Variants in WDR11 observed in about 807,000 individuals in gnomAD.
WDR11 encodes WD repeat domain 11.
Under a neutral mutation model 151.2 loss-of-function variants are expected in WDR11, and 83 were observed. The ratio of observed to expected loss-of-function variants is 0.55; its 90% CI spans 0.46 to 0.66. The LOEUF (loss-of-function observed/expected upper bound fraction) is 0.66. WDR11 is among the 30% of genes least tolerant of loss of function. The pLI is 0.00. For synonymous variants in WDR11, 484 were observed against 533.1 expected (o/e 0.91, Z 1.27); for missense variants, 1,301 against 1,480.9 (o/e 0.88, Z 1.99).
chr10:120,862,827 C>T lies in WDR11; in HGVS notation c.619C>T (p.His207Tyr). The part of the protein sequence containing the change: ...PGKKVYISSP[H>Y]SSPAHNKLAT... ...GAAAAAAGTTTACATATCCAGCCCA[C>T]ACTCTAGCCCAGCTCATAACAAGCT... Residue 207 changes from histidine (H) to tyrosine (Y), a missense_variant, in exon 5 of 29, where the codon CAC becomes TAC. His to Tyr is a moderately conservative substitution (Grantham distance 83). Around this residue, in one of 3 missense-constraint regions of WDR11, gnomAD observed 692 missense variants for 762.5 expected, o/e 0.91. Transcript: ENST00000263461. The T allele has an allele frequency of 6.2e-7, 1 of 1,614,156 alleles. No individual in the cohort carries two copies. The highest frequency in any genetic ancestry group is 8.5e-7 in the Non-Finnish European group (1 of 1,180,002).
chr10:120,899,673 C>T (rs1393932638), intron 19 of WDR11, among the ~76,000 whole-genome samples: 1 of 152,160 alleles, frequency 6.6e-6, no homozygotes, highest in East Asian at 1.9e-4. Context: ...ATCCCAGTTA[C>T]TTCGGAGGCT....
At chr10:120,869,106 G>GTTTTTT (rs35675368) in intron 9 of WDR11, among the ~76,000 whole-genome samples, 2 of 82,018 alleles carry the variant, frequency 2.4e-5, no homozygotes, top group Non-Finnish European at 4.8e-5. Flanking sequence ...TAAATTACAG[G>GTTTTTT]TTTTTTTTTT....
Position 120,890,013 on chromosome 10 carries a change from G to A in WDR11, c.2343+4G>A. The A allele has an allele frequency of 6.4e-7, 1 of 1,573,136 alleles. No homozygotes were observed. ...TGAAGTGTGGGATACTAAAGAGGTAGGCCCTCTCCATGAGGATAAAACGTA... is the reference window on the plus strand; with the variant it reads ...TGAAGTGTGGGATACTAAAGAGGTAAGCCCTCTCCATGAGGATAAAACGTA... On this transcript the variant is annotated splice_donor_region_variant and intron_variant, in intron 18 of 28. Coordinates refer to ENST00000263461, the MANE Select transcript of WDR11 (RefSeq NM_018117.12).
chr10:120,854,913 G>C (rs1386176935), intron 2 of WDR11, among the ~76,000 whole-genome samples: 1 of 152,158 alleles, frequency 6.6e-6, no homozygotes, highest in Non-Finnish European at 1.5e-5. Flanking sequence ...GAAGGGAAAT[G>C]TTCCAAGACC....
intron 14 of WDR11, among the ~76,000 whole-genome samples, chr10:120,885,488 G>A (rs2133784329): frequency 6.6e-6 from 1 of 152,218 alleles, no homozygotes; most frequent in Non-Finnish European, 1.5e-5. Flanking sequence ...TTCGAGAACT[G>A]TGATTGTCTT....
chr10:120,883,518 T>C (rs1847102419), intron 13 of WDR11, among the ~76,000 whole-genome samples: 1 of 152,148 alleles, frequency 6.6e-6, no homozygotes, highest in African/African-American at 2.4e-5. Flanking sequence ...ACATAAGTTG[T>C]GGCATCAGGG....
intron 19 of WDR11, among the ~76,000 whole-genome samples, chr10:120,895,965 A>G (rs562309160): frequency 1.3e-4 from 20 of 152,308 alleles, no homozygotes; most frequent in African/African-American, 4.1e-4. Context: ...CCCAGCGCTA[A>G]GAATTTATCT....
At chr10:120,854,942 C>T (rs935732073) in intron 2 of WDR11, among the ~76,000 whole-genome samples, 4 of 152,076 alleles carry the variant, frequency 2.6e-5, no homozygotes, top group Non-Finnish European at 5.9e-5. Flanking sequence ...AGCCTGAAAC[C>T]CTGGATAGTA....
chr10:120,859,906 C>T lies in WDR11; in HGVS notation c.353-203C>T, dbSNP rs936587277. Among the ~76,000 whole-genome samples the T allele has an allele frequency of 2.6e-5, 4 of 152,008 alleles. No individual in the cohort carries two copies. The South Asian group carries it at 8.3e-4, about 32-fold the overall frequency. On this transcript the variant is annotated intron_variant, in intron 3 of 28. Coordinates refer to ENST00000263461, the MANE Select transcript of WDR11 (RefSeq NM_018117.12). ...AAAATTTTTACCTTGAGAGTTTAAC[C>T]AGACAACTTATTTTTATATAGAATT...
At chr10:120,851,788 CTT>C (rs1845785228) in intron 1 of WDR11, 3 of 538,420 alleles carry the variant, frequency 5.6e-6, no homozygotes, top group Non-Finnish European at 1.0e-5. Flanking sequence ...ATTCCTCTCT[CTT>C]TTCCTCTCCT....
chr10:120,889,333 G>A, intron 17 of WDR11, 149 bp downstream of exon 17: 2 of 638,874 alleles, frequency 3.1e-6, no homozygotes. Context: ...TGACTCCCGG[G>A]TTCATGCCAT....
At chr10:120,888,961 G>A in intron 16 of WDR11, 117 bp from the exon 17 acceptor site, 1 of 760,846 alleles carries the variant, frequency 1.3e-6, no homozygotes, top group Non-Finnish European at 2.2e-6. Flanking sequence ...TTTAGGATTT[G>A]ATGACTAAAA....
At chr10:120,865,490 T>A in intron 6 of WDR11, 140 bp from the exon 7 acceptor site, 1 of 692,176 alleles carries the variant, frequency 1.4e-6, no homozygotes, top group Admixed American at 3.0e-5. Context: ...ATATTTTAAA[T>A]GTACATTTAG....
At chr10:120,901,926 T>G (rs1184890791) in intron 21 of WDR11, among the ~76,000 whole-genome samples, 1 of 152,100 alleles carries the variant, frequency 6.6e-6, no homozygotes, top group Non-Finnish European at 1.5e-5. Context: ...GTATTTACTG[T>G]TCTTGATGAT....
At chr10:120,858,508 C>A in intron 2 of WDR11, 135 bp from the exon 3 acceptor site, 1 of 1,091,444 alleles carries the variant, frequency 9.2e-7, no homozygotes, top group Non-Finnish European at 1.3e-6. Flanking sequence ...AAAATGAAAA[C>A]CAGTTTTCTG....
At chr10:120,852,700 T>A in intron 2 of WDR11, 65 bp downstream of exon 2, 1 of 1,330,772 alleles carries the variant, frequency 7.5e-7, no homozygotes, top group Non-Finnish European at 1.1e-6. Context: ...TGTGTATCAC[T>A]AAGCTCTCAT....
chr10:120,866,534 C>T lies in WDR11; in HGVS notation c.995-35C>T, dbSNP rs187738542. On this transcript the variant is annotated intron_variant, in intron 7 of 28. Coordinates refer to ENST00000263461, the MANE Select transcript of WDR11 (RefSeq NM_018117.12). Reference sequence around the variant, plus strand: ...ACAAACAGTAGTGGTATCGATATGGCTGCTTTCTGATATTTAAAACAATTT... The same window carrying T: ...ACAAACAGTAGTGGTATCGATATGGTTGCTTTCTGATATTTAAAACAATTT... The T allele has an allele frequency of 3.2e-4, 512 of 1,612,450 alleles. 3 individuals carry two copies. The Admixed American group carries it at 8.0e-3, about 25-fold the overall frequency.
At chr10:120,906,742 C>A (rs1848068430) in intron 27 of WDR11, 34 bp from the exon 28 acceptor site, 27 of 1,613,908 alleles carry the variant, frequency 1.7e-5, no homozygotes, top group Non-Finnish European at 2.3e-5. Flanking sequence ...ATGTAAATCA[C>A]AAAGCATAAC....
At position 120,865,039 on chromosome 10, in the gene WDR11, T is replaced by C; in HGVS notation, c.714-8T>C. The C allele has an allele frequency of 6.2e-7, 1 of 1,613,778 alleles. No individual in the cohort carries two copies. Among genetic ancestry groups the C allele is most frequent in the Non-Finnish European group, 8.5e-7 (1 of 1,179,742 alleles). On this transcript the variant is annotated splice_region_variant and splice_polypyrimidine_tract_variant and intron_variant, in intron 5 of 28. Transcript: ENST00000263461. ...TCTTTGACCCAAGTGAATGTTTACTTTTTTCAGTGCTGAATTCATAACTCT... is the reference window on the plus strand; with the variant it reads ...TCTTTGACCCAAGTGAATGTTTACTCTTTTCAGTGCTGAATTCATAACTCT...
Sources: gnomAD v4.1 joint callset for allele counts (sites outside exome capture counted in the v4.1 genomes callset) on GRCh38, gnomAD v4.1.1 for gene constraint, gnomAD v4.1.1 regional missense constraint, MANE v1.5 for transcripts, NCBI Gene and HGNC (gene_info 2026-07-23, HGNC 2026-07-21) for gene names.